The following ZMYM3 variants were observed in gnomAD, a reference collection of about 807,000 sequenced individuals.
The protein encoded by ZMYM3 is zinc finger MYM-type containing 3.
Under a neutral mutation model 94.2 loss-of-function variants are expected in ZMYM3, and 6 were observed. The observed-to-expected ratio is 0.06, with a 90% CI of 0.03 to 0.13. ZMYM3 has a LOEUF of 0.13. ZMYM3 is among the 10% of genes least tolerant of loss of function. The pLI is 1.00. For synonymous variants in ZMYM3, 420 were observed against 426.5 expected, an observed-to-expected ratio of 0.98 and a Z score of 0.19; for missense variants, 664 against 1,132.6, an observed-to-expected ratio of 0.59 and a Z score of 5.94.
At position 71,240,786 on chromosome X, in the gene ZMYM3, A is replaced by G; in HGVS notation, c.*130T>C. 1 of 633,680 alleles carries G rather than the reference A, an allele frequency of 1.6e-6. No homozygotes were observed. The highest frequency in any genetic ancestry group is 2.4e-6 in the Non-Finnish European group (1 of 416,743). 52.2% of individuals were successfully genotyped at this position (633,680 alleles called of 1,213,427 possible). On this transcript the variant is annotated 3_prime_UTR_variant, in exon 25 of 25. Transcript: ENST00000314425. The stretch of plus-strand genomic sequence containing the variant: ...CCAGGGTTCCTAGAGAAGGCAGGGA[A>G]TGGGTGAGCGGAAAGGAGCAGTCAG...
Position 71,253,048 on chromosome X carries a change from G to C in ZMYM3, c.208C>G (p.Pro70Ala), listed in dbSNP as rs761239294. The change falls in exon 2 of 25, where the codon CCT becomes GCT. Residue 70 changes from proline to alanine, a missense_variant. Coordinates refer to ENST00000314425, the MANE Select transcript of ZMYM3 (RefSeq NM_201599.3). ...LDTPAGLEKD[P>A]GVLDGATELL... is the part of the protein sequence containing the mutation. ...TCAGTGGCTCCATCCAGGACTCCAG[G>C]GTCTTTTTCCAGGCCAGCAGGGGTA... is the stretch of plus-strand genomic sequence containing the variant. The C allele has an allele frequency of 4.0e-5, 48 of 1,199,884 alleles. No individual in the cohort carries two copies. In the South Asian group the frequency reaches 8.3e-4, roughly 21 times the overall value.
At position 71,246,488 on chromosome X, in the gene ZMYM3, G is replaced by T; in HGVS notation, c.2437C>A (p.Pro813Thr). ...GKIPVKTRSA[P>T]TAPTPPPPPP... ...GGGGGTGGAGGGGTGGGAGCAGTGG[G>T]AGCTGATCGGGTCTTCACAGGGATC... is the stretch of plus-strand genomic sequence containing the variant. Residue 813 changes from proline (P) to threonine (T), a missense_variant, in exon 15 of 25, where the codon CCC (proline) becomes ACC (threonine). By Grantham distance (38) the Pro-to-Thr change is conservative. This residue lies in a region of ZMYM3 where 57 missense variants were observed against 52.0 expected (regional missense o/e 1.10). Coordinates refer to ENST00000314425, the MANE Select transcript of ZMYM3 (RefSeq NM_201599.3). 3 of 1,163,449 alleles carry T rather than the reference G, an allele frequency of 2.6e-6. No individual in the cohort carries two copies. Among genetic ancestry groups the T allele is most frequent in the Non-Finnish European group, 3.4e-6 (3 of 871,072 alleles).
In ZMYM3 at chrX:71,248,730, T is replaced by A. The variant is rs867518320; in HGVS notation, c.1693A>T (p.Thr565Ser). 7.5e-6 allele frequency: 9 copies of A among 1,206,042 alleles called. No homozygotes were observed. In the African/African-American group the frequency reaches 1.6e-4, roughly 21 times the overall value. ...DPCYYNKVDR[T>S]VYQFCSPSCW... The stretch of plus-strand genomic sequence containing the variant: ...CTGGGGCTGCAGAACTGGTAGACTG[T>A]GCGGTCAACCTTGTTGTAGTAACAG... The change falls in exon 9 of 25, where the codon ACA (threonine) becomes TCA (serine). Residue 565 changes from threonine to serine, a missense_variant. Physicochemically the swap from Thr to Ser is moderately conservative, Grantham distance 58. This residue lies in a region of ZMYM3 where 159 missense variants were observed against 313.0 expected (regional missense o/e 0.51). Coordinates refer to ENST00000314425, the MANE Select transcript of ZMYM3 (RefSeq NM_201599.3).
intron 23 of ZMYM3, 89 bp downstream of exon 23, chrX:71,242,081 C>T: frequency 5.4e-6 from 6 of 1,113,240 alleles, no homozygotes; most frequent in South Asian, 2.1e-5. Flanking sequence ...AGGAGAGGGC[C>T]GACCTGGCAG....
intron 3 of ZMYM3, 109 bp from the exon 4 acceptor site, chrX:71,251,353 G>A: frequency 3.1e-6 from 3 of 956,169 alleles, no homozygotes; most frequent in Non-Finnish European, 4.4e-6. Flanking sequence ...GGAGAGTGGG[G>A]ACCCTTGGCC....
At position 71,247,724 on chromosome X, in the gene ZMYM3, C is replaced by A; in HGVS notation, c.2148+10G>T. Reference sequence around the variant, plus strand: ...CTTTCCCGCCTCGCTCGCATGCTGACCCTCCTTACCTTGCAGTACCACAGC... The same window carrying A: ...CTTTCCCGCCTCGCTCGCATGCTGAACCTCCTTACCTTGCAGTACCACAGC... On this transcript the variant is annotated intron_variant, in intron 12 of 24. Coordinates refer to ENST00000314425, the MANE Select transcript of ZMYM3 (RefSeq NM_201599.3). 8.3e-7 allele frequency: 1 copy of A among 1,206,456 alleles called. No individual in the cohort carries two copies. Among genetic ancestry groups the A allele is most frequent in the Non-Finnish European group, 1.1e-6 (1 of 892,456 alleles).
rs748024615 is a variant in ZMYM3 at position 71,241,206 on chromosome X, C to T, written c.3920+21G>A. The T allele has an allele frequency of 2.1e-5, 25 of 1,191,648 alleles. No homozygotes were observed. In the Admixed American group the frequency reaches 4.2e-4, roughly 20 times the overall value. On this transcript the variant is annotated intron_variant, in intron 24 of 24. Transcript: ENST00000314425. The stretch of plus-strand genomic sequence containing the variant: ...CTCGGGTCCCCATGCTAACGCTTTT[C>T]CTGCCAACCCACCAACTCACCATTT...
chrX:71,242,686 G>A (rs757382284), intron 22 of ZMYM3, among the ~76,000 whole-genome samples: 18 of 112,048 alleles, frequency 1.6e-4, no homozygotes, highest in Non-Finnish European at 2.8e-4. Flanking sequence ...ACCTTGAGGA[G>A]TCCCACGATT....
chrX:71,254,488 A>G, upstream of ZMYM3: 1 of 113,215 alleles, frequency 8.8e-6, no homozygotes, highest in Non-Finnish European at 1.9e-5. Context: ...TACCTGGCTC[A>G]AGAGTCTGGC....
chrX:71,253,321 T>A (rs1330479455), intron 1 of ZMYM3, 47 bp from the exon 2 acceptor site: 2 of 1,009,146 alleles, frequency 2.0e-6, no homozygotes, highest in Admixed American at 3.9e-5. Context: ...GGTCTTAGCC[T>A]GAATTCCTTC....
At chrX:71,253,447 A>G (rs1391379946) in intron 1 of ZMYM3, among the ~76,000 whole-genome samples, 173 bp from the exon 2 acceptor site, 4 of 86,149 alleles carry the variant, frequency 4.6e-5, no homozygotes, top group Middle Eastern at 0.012. Context: ...ACTCCCCCCA[A>G]TACAGCGCCC....
rs1569219868 is a variant in ZMYM3 at position 71,240,240 on chromosome X, C to T, written c.*676G>A. The T allele has an allele frequency of 9.0e-6, 1 of 111,587 alleles. No individual in the cohort carries two copies. The highest frequency in any genetic ancestry group is 2.8e-4 in the East Asian group (1 of 3,532). The allele number at this position is 111,587 out of a possible 1,213,427, so 9.2% of individuals were successfully genotyped here. A position where few individuals can be genotyped will look rare whatever the true frequency, so the allele number is the denominator to read the frequency against. Reference sequence around the variant, plus strand: ...TCTGCTCCCCGTACTTAGTCATTCTCTGCCTCTGAGGAAAAAAAGGCATTT... The same window carrying T: ...TCTGCTCCCCGTACTTAGTCATTCTTTGCCTCTGAGGAAAAAAAGGCATTT... On this transcript the variant is annotated 3_prime_UTR_variant, in exon 25 of 25. Coordinates refer to ENST00000314425, the MANE Select transcript of ZMYM3 (RefSeq NM_201599.3).
At chrX:71,241,200 G>C (rs2029927504) in intron 24 of ZMYM3, 27 bp downstream of exon 24, 2 of 1,184,762 alleles carry the variant, frequency 1.7e-6, no homozygotes, top group African/African-American at 3.6e-5. Flanking sequence ...CCATGCTAAC[G>C]CTTTTCCTGC....
chrX:71,249,679 C>T lies in ZMYM3; in HGVS notation c.1252G>A (p.Val418Ile). The T allele has an allele frequency of 1.7e-6, 2 of 1,210,241 alleles. No homozygotes were observed. Among genetic ancestry groups the T allele is most frequent in the South Asian group, 3.5e-5 (2 of 56,562 alleles). Residue 418 changes from valine to isoleucine, a missense_variant and splice_region_variant, in exon 7 of 25, where the codon GTC becomes ATC. Val to Ile is a conservative substitution (Grantham distance 29, BLOSUM62 3). Transcript: ENST00000314425. ...CTGCCATTGCTGACCTCGTGCAGGA[C>T]CTGCCACACACATACACGCACCCTG... ...RCSICQKTGE[V>I]LHEVSNGSVV...
Position 71,246,070 on chromosome X carries a change from C to G in ZMYM3, c.2601G>C (p.Leu867=), listed in dbSNP as rs748875968. The G allele has an allele frequency of 1.7e-6, 2 of 1,210,972 alleles. No homozygotes were observed. Among genetic ancestry groups the G allele is most frequent in the Admixed American group, 4.4e-5 (2 of 45,923 alleles). The change falls in exon 16 of 25, where the codon CTG becomes CTC. Residue 867 remains leucine, a synonymous_variant. Coordinates refer to ENST00000314425, the MANE Select transcript of ZMYM3 (RefSeq NM_201599.3). ...TEEWKPQVIV[L]PIPVPIFVPV... is the part of the protein sequence containing the mutation. The stretch of plus-strand genomic sequence containing the variant: ...GCACGAAGATGGGCACTGGGATGGG[C>G]AGCACGATCACCTGTGGCTTCCACT...
rs1427692132 is a variant in ZMYM3 at position 71,246,076 on chromosome X, G to A, written c.2595C>T (p.Ile865=). 3 of 1,208,741 alleles carry A rather than the reference G, an allele frequency of 2.5e-6. No homozygotes were observed. Among genetic ancestry groups the A allele is most frequent in the East Asian group, 3.0e-5 (1 of 33,770 alleles). Residue 865 remains isoleucine (I), a synonymous_variant, in exon 16 of 25, where the codon ATC becomes ATT. Coordinates refer to ENST00000314425, the MANE Select transcript of ZMYM3 (RefSeq NM_201599.3). ...SQTEEWKPQV[I]VLPIPVPIFV... ...AGATGGGCACTGGGATGGGCAGCAC[G>A]ATCACCTGTGGCTTCCACTCTTCTG...
At position 71,247,818 on chromosome X, in the gene ZMYM3, G is replaced by A. The variant is rs761465854; in HGVS notation, c.2064C>T (p.Arg688=). 49 of 1,209,660 alleles carry A rather than the reference G, an allele frequency of 4.1e-5. No individual in the cohort carries two copies. The highest frequency in any genetic ancestry group is 5.1e-5 in the Non-Finnish European group (46 of 894,994). ...TGCCATCCAGTTGCTCGGTGACTCC[G>A]CGCTGGCAGGTCTGGGAGCAGTAAG... is the stretch of plus-strand genomic sequence containing the variant. ...TCTYCSQTCQ[R]GVTEQLDGST... Residue 688 remains arginine (R), a synonymous_variant, in exon 12 of 25, where the codon CGC becomes CGT. Coordinates refer to ENST00000314425, the MANE Select transcript of ZMYM3 (RefSeq NM_201599.3).
rs760907389 is a variant in ZMYM3 at position 71,245,939 on chromosome X, G to C, written c.2685+47C>G. ...ATGAGTGAAGGGGGACAGTTGATGA[G>C]AGTAAGGGGAAAGGAGGACCCAGCC... On this transcript the variant is annotated intron_variant, in intron 16 of 24. Coordinates refer to ENST00000314425, the MANE Select transcript of ZMYM3 (RefSeq NM_201599.3). 1.8e-5 allele frequency: 22 copies of C among 1,191,927 alleles called. No individual in the cohort carries two copies. The Middle Eastern group carries it at 9.3e-4, about 51-fold the overall frequency.
chrX:71,250,286 A>T, intron 5 of ZMYM3, 83 bp from the exon 6 acceptor site: 1 of 1,089,932 alleles, frequency 9.2e-7, no homozygotes, highest in Non-Finnish European at 1.2e-6. Flanking sequence ...AGGATCAATG[A>T]CCACAGAGCC....
Sources: allele counts gnomAD v4.1 joint callset (sites outside exome capture counted in the v4.1 genomes callset), GRCh38; gene constraint gnomAD v4.1.1; regional missense constraint gnomAD v4.1.1; transcripts MANE v1.5; gene names NCBI Gene and HGNC (gene_info 2026-07-23, HGNC 2026-07-21).